Variants in CLPX observed in about 807,000 individuals in gnomAD.
CLPX encodes caseinolytic mitochondrial matrix peptidase chaperone subunit X, also known as ATP-dependent clpX-like chaperone, mitochondrial.
In CLPX, 34 loss-of-function variants were observed where a neutral mutation model predicts 76.4. The ratio of observed to expected loss-of-function variants is 0.45; its 90% CI spans 0.34 to 0.59. CLPX has a LOEUF of 0.59. CLPX is among the 20% of genes least tolerant of loss of function. CLPX has a pLI of 0.01. For synonymous variants in CLPX, 248 were observed against 270.9 expected (o/e 0.92, Z 0.83); for missense variants, 613 against 757.0 (o/e 0.81, Z 2.23).
intron 3 of CLPX, 50 bp from the exon 4 acceptor site, chr15:65,166,835 T>G (rs766195987): frequency 1.3e-6 from 2 of 1,562,766 alleles, no homozygotes; most frequent in South Asian, 2.3e-5. Context: ...ATAATTCCAA[T>G]AGTGTTTAAC....
intron 7 of CLPX, 149 bp downstream of exon 7, chr15:65,158,426 A>G (rs1475199295): frequency 6.5e-6 from 4 of 618,230 alleles, no homozygotes; most frequent in Non-Finnish European, 8.2e-6. Context: ...TTTGTATTCT[A>G]TGCAGGAATA....
rs560374120 is a variant in CLPX, at chr15:65,178,557, A to T, written c.358+377T>A. 1.4e-4 allele frequency among the ~76,000 whole-genome samples: 22 copies of T among 152,062 alleles called. No homozygotes were observed. The South Asian group carries it at 2.7e-3, about 19-fold the overall frequency. ...ATCCATATTTCTACACATTTAATAC[A>T]ATTTATATATATATATTTCTTTTTT... On this transcript the variant is annotated intron_variant, in intron 3 of 13. Transcript: ENST00000300107.
Position 65,150,604 on chromosome 15 carries a change from A to C in CLPX, c.*219T>G, listed in dbSNP as rs1480267592. 1 of 352,396 alleles carries C rather than the reference A, an allele frequency of 2.8e-6. No individual in the cohort carries two copies. The highest frequency in any genetic ancestry group is 1.4e-4 in the South Asian group (1 of 7,242). 21.8% of individuals were successfully genotyped at this position (352,396 alleles called of 1,614,324 possible). ...ACTGAACCAAAATAATGTACATTTT[A>C]TCTCTAAACATTGTGTCATTAAAGT... On this transcript the variant is annotated 3_prime_UTR_variant, in exon 14 of 14. Coordinates refer to ENST00000300107, the MANE Select transcript of CLPX (RefSeq NM_006660.5).
chr15:65,169,189 C>T (rs1595942886), intron 3 of CLPX, among the ~76,000 whole-genome samples: 2 of 152,032 alleles, frequency 1.3e-5, no homozygotes, highest in East Asian at 1.9e-4. Flanking sequence ...CTCCTGACCT[C>T]GTGATCTGCC....
At chr15:65,153,719 A>G (rs1332139597) in intron 11 of CLPX, 80 bp from the exon 12 acceptor site, 1 of 761,694 alleles carries the variant, frequency 1.3e-6, no homozygotes, top group African/African-American at 1.9e-5. Context: ...GTGAGGGCAC[A>G]ATTTCTCATG....
chr15:65,167,312 G>T (rs1304660791), intron 3 of CLPX, among the ~76,000 whole-genome samples: 4 of 150,954 alleles, frequency 2.6e-5, no homozygotes, highest in Non-Finnish European at 4.4e-5. Context: ...CTTGTTATCT[G>T]CCCGTCTCCG....
chr15:65,167,595 T>C (rs189143119), intron 3 of CLPX, among the ~76,000 whole-genome samples: 1 of 152,156 alleles, frequency 6.6e-6, no homozygotes, highest in East Asian at 1.9e-4. Context: ...ATGAGCATTT[T>C]TCGGGCGTGT....
At chr15:65,160,460 C>T (rs2087839230) in intron 6 of CLPX, among the ~76,000 whole-genome samples, 1 of 152,044 alleles carries the variant, frequency 6.6e-6, no homozygotes, top group Non-Finnish European at 1.5e-5. Flanking sequence ...TTTAAAATTT[C>T]AGCAAAATCT....
chr15:65,168,622 T>C (rs1322836497), intron 3 of CLPX, among the ~76,000 whole-genome samples: 1 of 134,682 alleles, frequency 7.4e-6, no homozygotes, highest in Non-Finnish European at 1.6e-5. Context: ...GGGGGAGGGA[T>C]AGCATTAGGA....
rs1259778074 is a variant in CLPX at position 65,157,707 on chromosome 15, A to G, written c.1057+39T>C. 3 of 1,558,370 alleles carry G rather than the reference A, an allele frequency of 1.9e-6. No homozygotes were observed. In the East Asian group the frequency reaches 6.8e-5, roughly 35 times the overall value. ...CTCTTAATATTAGACTGATTCCCCA[A>G]TATTCTAAATCTGGGGACAGACCAT... is the stretch of plus-strand genomic sequence containing the variant. On this transcript the variant is annotated intron_variant, in intron 8 of 13. Transcript: ENST00000300107.
Position 65,153,531 on chromosome 15 carries a change from A to T in CLPX, c.1704+16T>A. The T allele has an allele frequency of 1.3e-6, 2 of 1,494,236 alleles. No individual in the cohort carries two copies. Among genetic ancestry groups the T allele is most frequent in the Non-Finnish European group, 1.8e-6 (2 of 1,083,826 alleles). 92.6% of individuals were successfully genotyped at this position (1,494,236 alleles called of 1,614,324 possible). On this transcript the variant is annotated intron_variant, in intron 12 of 13. Transcript: ENST00000300107. ...GACCAAGAAATAATTGTTTTTATAG[A>T]ATAATGCCAACTCACCATTATGGAC...
At chr15:65,151,456 G>GAAAAA (rs529752332) in intron 13 of CLPX, among the ~76,000 whole-genome samples, 6 of 74,586 alleles carry the variant, frequency 8.0e-5, no homozygotes, top group Non-Finnish European at 1.4e-4. Context: ...ATTACTGGGA[G>GAAAAA]AAAAAAAAAA....
At chr15:65,176,206 T>C (rs1376929000) in intron 3 of CLPX, among the ~76,000 whole-genome samples, 1 of 152,204 alleles carries the variant, frequency 6.6e-6, no homozygotes, top group Non-Finnish European at 1.5e-5. Flanking sequence ...CCATCCCACA[T>C]CTACAGAATC....
intron 4 of CLPX, among the ~76,000 whole-genome samples, chr15:65,164,465 T>C (rs990326416): frequency 5.9e-5 from 9 of 152,210 alleles, no homozygotes; most frequent in African/African-American, 2.2e-4. Context: ...TATCAATCTT[T>C]ATTTTTTGAT....
At chr15:65,172,506 G>A (rs1427804261) in intron 3 of CLPX, among the ~76,000 whole-genome samples, 8 of 152,004 alleles carry the variant, frequency 5.3e-5, no homozygotes, top group African/African-American at 1.2e-4. Flanking sequence ...GTTGGCAGGC[G>A]CCTGTAATCC....
intron 7 of CLPX, 117 bp downstream of exon 7, chr15:65,158,458 T>G (rs2087816747): frequency 5.0e-6 from 4 of 807,506 alleles, no homozygotes. Context: ...TCTAGATGAC[T>G]GGCCTTAGAT....
intron 12 of CLPX, among the ~76,000 whole-genome samples, chr15:65,152,741 G>A (rs994816476): frequency 6.6e-5 from 10 of 150,696 alleles, no homozygotes; most frequent in Admixed American, 4.6e-4. Flanking sequence ...GATTACAGGC[G>A]TAAGCCACCA....
At chr15:65,154,007 G>A (rs564022360) in intron 11 of CLPX, among the ~76,000 whole-genome samples, 37 of 152,178 alleles carry the variant, frequency 2.4e-4, no homozygotes, top group Non-Finnish European at 4.1e-4. Flanking sequence ...TATGTACATG[G>A]AGCTAAGGGA....
chr15:65,170,008 G>A (rs912758393), intron 3 of CLPX, among the ~76,000 whole-genome samples: 2 of 152,036 alleles, frequency 1.3e-5, no homozygotes, highest in Non-Finnish European at 2.9e-5. Context: ...TGATCCGCCT[G>A]CCTCAGCCTC....
Sources: gnomAD v4.1 joint callset for allele counts (sites outside exome capture counted in the v4.1 genomes callset) on GRCh38, gnomAD v4.1.1 for gene constraint, MANE v1.5 for transcripts, NCBI Gene and HGNC (gene_info 2026-07-23, HGNC 2026-07-21) for gene names.